Variants in RASSF8 observed in about 807,000 individuals in gnomAD.
RASSF8 encodes Ras association domain family member 8.
A neutral mutation model predicts 48.5 loss-of-function variants in RASSF8; 22 were observed. That is an observed-to-expected ratio of 0.45 (90% confidence interval 0.32 to 0.65). The LOEUF (loss-of-function observed/expected upper bound fraction) is 0.65, where lower values mean the gene tolerates loss of function less well. Ranked by LOEUF, RASSF8 falls within the 30% of genes least tolerant of loss-of-function variation. RASSF8 has a pLI of 0.03. For synonymous variants in RASSF8, 127 were observed against 171.5 expected (o/e 0.74, Z 2.03); for missense variants, 418 against 489.2 (o/e 0.85, Z 1.37).
At chr12:25,970,708 C>A (rs1294294144) in intron 1 of RASSF8, among the ~76,000 whole-genome samples, 3 of 152,158 alleles carry the variant, frequency 2.0e-5, no homozygotes, top group African/African-American at 7.2e-5. Flanking sequence ...GGTCTCACAC[C>A]CTGGGCTGGT....
intron 1 of RASSF8, among the ~76,000 whole-genome samples, chr12:25,976,671 C>A (rs963509582): frequency 1.3e-5 from 2 of 152,182 alleles, no homozygotes; most frequent in Non-Finnish European, 2.9e-5. Context: ...AGTGTACTTT[C>A]GTTTTCAGTA....
At chr12:26,026,795 G>A (rs930424347) in intron 2 of RASSF8, among the ~76,000 whole-genome samples, 2 of 152,140 alleles carry the variant, frequency 1.3e-5, no homozygotes, top group African/African-American at 4.8e-5. Context: ...CACTGTTGGT[G>A]GGAATGTAAA....
chr12:26,020,273 C>G (rs888014697), intron 2 of RASSF8: 1 of 152,108 alleles, frequency 6.6e-6, no homozygotes, highest in Non-Finnish European at 1.5e-5. Flanking sequence ...AGCTTTCTCT[C>G]CTGCAACCAT....
intron 3 of RASSF8, among the ~76,000 whole-genome samples, chr12:26,057,091 A>G (rs1943620855): frequency 1.0e-5 from 1 of 97,152 alleles, no homozygotes; most frequent in Non-Finnish European, 2.1e-5. Flanking sequence ...TCTGTCCATA[A>G]TGACACTTTT....
chr12:26,054,570 C>T (rs1943561307), intron 2 of RASSF8, among the ~76,000 whole-genome samples: 2 of 152,160 alleles, frequency 1.3e-5, no homozygotes, highest in Non-Finnish European at 2.9e-5. Flanking sequence ...CACCTGCCCT[C>T]ATGCTGTGCC....
chr12:26,015,614 C>CT (rs1318686146), intron 2 of RASSF8, among the ~76,000 whole-genome samples: 3 of 151,910 alleles, frequency 2.0e-5, no homozygotes, highest in Non-Finnish European at 4.4e-5. Flanking sequence ...TAAGATTATA[C>CT]TTGAAGTTAC....
At chr12:25,969,251 C>T (rs1018807721) in intron 1 of RASSF8, among the ~76,000 whole-genome samples, 15 of 152,132 alleles carry the variant, frequency 9.9e-5, no homozygotes, top group African/African-American at 2.2e-4. Flanking sequence ...GCACAGACTC[C>T]GGAGCTGGCT....
At position 26,071,813 on chromosome 12, in the gene RASSF8, G is replaced by T; in HGVS notation, c.*2995G>T. ...ATAGAGTAAAAACTATATAAATACA[G>T]TAAAAAAAAAATAGAATTTATGGTG... On this transcript the variant is annotated 3_prime_UTR_variant, in exon 6 of 6. Transcript: ENST00000689635. 1 of 892,766 alleles carries T rather than the reference G, an allele frequency of 1.1e-6. No individual in the cohort carries two copies. Among genetic ancestry groups the T allele is most frequent in the Non-Finnish European group, 1.3e-6 (1 of 781,002 alleles). 55.3% of individuals were successfully genotyped at this position (892,766 alleles called of 1,614,324 possible).
intron 2 of RASSF8, among the ~76,000 whole-genome samples, chr12:26,012,077 G>A (rs1198899922): frequency 6.6e-6 from 1 of 152,016 alleles, no homozygotes; most frequent in Non-Finnish European, 1.5e-5. Context: ...ATCTTATTAG[G>A]CAGTAGAGTA....
intron 2 of RASSF8, among the ~76,000 whole-genome samples, chr12:26,053,696 T>A (rs766928371): frequency 2.0e-5 from 3 of 152,204 alleles, no homozygotes; most frequent in Non-Finnish European, 4.4e-5. Flanking sequence ...AGCACAGTTA[T>A]GGAATCAGCT....
At chr12:26,061,680 A>G (rs1267713024) in intron 3 of RASSF8, among the ~76,000 whole-genome samples, 1 of 152,194 alleles carries the variant, frequency 6.6e-6, no homozygotes, top group African/African-American at 2.4e-5. Context: ...TGCAGGAGGA[A>G]TCAGAATCTG....
At chr12:25,964,563 T>A (rs1029566248) in intron 1 of RASSF8, among the ~76,000 whole-genome samples, 5 of 152,346 alleles carry the variant, frequency 3.3e-5, no homozygotes, top group Middle Eastern at 6.8e-3. Flanking sequence ...GAGTGCTAAA[T>A]CATGTTTATC....
chr12:25,982,337 G>A (rs1941763862), intron 1 of RASSF8, among the ~76,000 whole-genome samples: 1 of 152,132 alleles, frequency 6.6e-6, no homozygotes, highest in South Asian at 2.1e-4. Context: ...TGCAAGTGCA[G>A]AAATAAGGAA....
exon 6 of RASSF8, chr12:26,079,035 A>T (rs914033375): frequency 6.5e-7 from 1 of 1,546,230 alleles, no homozygotes; most frequent in Non-Finnish European, 8.7e-7. Context: ...TTATCTAGGG[A>T]TCATCATTCT....
intron 1 of RASSF8, among the ~76,000 whole-genome samples, chr12:25,963,063 T>G (rs1329115822): frequency 6.6e-6 from 1 of 152,216 alleles, no homozygotes; most frequent in Admixed American, 6.5e-5. Context: ...CGTCACATGA[T>G]AACACGTTAG....
chr12:25,999,474 A>G (rs1358425046), intron 2 of RASSF8, among the ~76,000 whole-genome samples: 1 of 152,192 alleles, frequency 6.6e-6, no homozygotes, highest in African/African-American at 2.4e-5. Context: ...TGGGCCAGGC[A>G]TGGTGGCTCA....
Position 26,015,274 on chromosome 12 carries a change from G to A in RASSF8, c.-109+20144G>A, listed in dbSNP as rs181467739. On this transcript the variant is annotated intron_variant, in intron 2 of 5. Transcript: ENST00000689635. ...GCTCTCTACTGATCCCTTGGTAAAA[G>A]ATGCTGCACCTACTGCAAGATTATT... 1.2e-3 allele frequency among the ~76,000 whole-genome samples: 180 copies of A among 151,922 alleles called. 1 individual carries two copies. The highest frequency in any genetic ancestry group is 3.8e-4 in the Non-Finnish European group (26 of 67,994).
intron 1 of RASSF8, among the ~76,000 whole-genome samples, chr12:25,979,122 A>G (rs1025557256): frequency 2.0e-5 from 3 of 152,202 alleles, no homozygotes; most frequent in Admixed American, 6.5e-5. Context: ...GATATTCCCA[A>G]TCATTCTTCC....
chr12:26,070,748 C>T lies in RASSF8; in HGVS notation c.*1930C>T. On this transcript the variant is annotated 3_prime_UTR_variant, in exon 6 of 6. Coordinates refer to ENST00000689635, the MANE Select transcript of RASSF8 (RefSeq NM_001394098.1). The stretch of plus-strand genomic sequence containing the variant: ...TGTTCAGAGAAATCAAGATCTTATT[C>T]ACAAAGAAAAACATTTTATAAATTG... 1 of 972,664 alleles carries T rather than the reference C, an allele frequency of 1.0e-6. No homozygotes were observed. The highest frequency in any genetic ancestry group is 1.2e-6 in the Non-Finnish European group (1 of 818,622). 60.3% of individuals were successfully genotyped at this position (972,664 alleles called of 1,614,324 possible).
Sources: gnomAD v4.1 joint callset for allele counts (sites outside exome capture counted in the v4.1 genomes callset) on GRCh38, gnomAD v4.1.1 for gene constraint, MANE v1.5 for transcripts, NCBI Gene and HGNC (gene_info 2026-07-23, HGNC 2026-07-21) for gene names.